Variants in SNRPN observed in about 807,000 individuals in gnomAD.
The protein encoded by SNRPN is small nuclear ribonucleoprotein polypeptide N.
In SNRPN, 7 loss-of-function variants were observed where a neutral mutation model predicts 25.2. The observed-to-expected ratio is 0.28, with a 90% CI of 0.16 to 0.52. The LOEUF is 0.52. Among genes scored for constraint, SNRPN ranks in the 20% least tolerant of loss-of-function variants. SNRPN has a pLI of 0.96. For missense variants in SNRPN, 196 were observed against 322.5 expected (o/e 0.61, Z 3.00); for synonymous variants, 124 against 110.6 (o/e 1.12, Z -0.76).
intron 2 of SNRPN, among the ~76,000 whole-genome samples, chr15:24,906,010 G>A (rs181495687): frequency 6.6e-6 from 1 of 152,128 alleles, no homozygotes; most frequent in Non-Finnish European, 1.5e-5. Context: ...TATAACAAAA[G>A]ACATATTAAT....
chr15:24,862,648 G>C (rs752602798), intron 1 of SNRPN, among the ~76,000 whole-genome samples: 1 of 151,062 alleles, frequency 6.6e-6, no homozygotes, highest in Non-Finnish European at 1.5e-5. Context: ...TGTTTAAGAC[G>C]AGTGAGGATT....
intron 3 of SNRPN, among the ~76,000 whole-genome samples, chr15:24,939,752 GT>G (rs35465024): frequency 5.7e-5 from 8 of 141,532 alleles, no homozygotes; most frequent in African/African-American, 7.9e-5. Flanking sequence ...TTAAAATCAG[GT>G]TTTTTTTTTT....
chr15:24,836,701 C>A (rs1437138639), intron 2 of SNRPN, among the ~76,000 whole-genome samples: 1 of 152,096 alleles, frequency 6.6e-6, no homozygotes, highest in African/African-American at 2.4e-5. Flanking sequence ...GCGTGATCCA[C>A]CACGCCCAGC....
chr15:24,903,823 A>C (rs2058618338), intron 2 of SNRPN, among the ~76,000 whole-genome samples: 1 of 152,142 alleles, frequency 6.6e-6, no homozygotes, highest in Non-Finnish European at 1.5e-5. Flanking sequence ...ACTTGAGTCC[A>C]GGAGTTCGAG....
intron 3 of SNRPN, among the ~76,000 whole-genome samples, chr15:24,944,944 A>G (rs2061784327): frequency 6.6e-6 from 1 of 152,136 alleles, no homozygotes; most frequent in South Asian, 2.1e-4. Flanking sequence ...AATTGAATGG[A>G]TGAGGTCCAC....
Position 24,968,078 on chromosome 15 carries a change from A to G in SNRPN, c.-148A>G. On this transcript the variant is annotated 5_prime_UTR_variant, in exon 3 of 10. Coordinates refer to ENST00000390687, the MANE Select transcript of SNRPN (RefSeq NM_003097.6). ...GCGAGGAATCTGATTCCAAGCAAAA[A>G]CCAGGTTAGAGCTAATGCAGCAATG... 6.5e-7 allele frequency: 1 copy of G among 1,546,702 alleles called. No individual in the cohort carries two copies. Among genetic ancestry groups the G allele is most frequent in the Non-Finnish European group, 8.9e-7 (1 of 1,118,870 alleles).
At chr15:24,870,086 T>G (rs1000714861) in intron 1 of SNRPN, among the ~76,000 whole-genome samples, 2 of 152,156 alleles carry the variant, frequency 1.3e-5, no homozygotes, top group Non-Finnish European at 2.9e-5. Context: ...CCACATTATT[T>G]TGGTTAGATT....
In SNRPN at chr15:24,978,649, G is replaced by A. The variant is rs888244540; in HGVS notation, c.*205G>A. On this transcript the variant is annotated 3_prime_UTR_variant, in exon 10 of 10. Transcript: ENST00000390687. ...AGATCTTAAGTTACTGTGGATGAGG[G>A]TGATGCCTATTAAGCAGTTGATTCA... 5 of 610,030 alleles carry A rather than the reference G, an allele frequency of 8.2e-6. No homozygotes were observed. Among genetic ancestry groups the A allele is most frequent in the African/African-American group, 3.7e-5 (2 of 54,008 alleles). 37.8% of individuals were successfully genotyped at this position (610,030 alleles called of 1,614,324 possible).
chr15:24,873,161 C>G (rs562203004), intron 1 of SNRPN, among the ~76,000 whole-genome samples: 1 of 108,982 alleles, frequency 9.2e-6, no homozygotes. Flanking sequence ...TTACTCCCGC[C>G]TTGCCCGCAA....
chr15:24,893,798 G>C (rs78835535), intron 2 of SNRPN, among the ~76,000 whole-genome samples: 9,012 of 151,982 alleles, frequency 0.059, 555 homozygotes, highest in Admixed American at 0.18. Flanking sequence ...ATATTCATGT[G>C]TGAGATGTGC....
intron 2 of SNRPN, among the ~76,000 whole-genome samples, chr15:24,835,205 A>T: frequency 6.8e-6 from 1 of 147,952 alleles, no homozygotes; most frequent in East Asian, 2.0e-4. Context: ...GCATCAAATA[A>T]AATTTTGTTT....
chr15:24,930,590 CA>C (rs67708507), intron 3 of SNRPN, among the ~76,000 whole-genome samples: 6,017 of 98,342 alleles, frequency 0.061, 169 homozygotes, highest in Middle Eastern at 0.13. Context: ...TACAAAAATA[CA>C]AAAAAAAAAA....
chr15:24,867,766 T>C (rs1399356146), intron 1 of SNRPN, among the ~76,000 whole-genome samples: 6 of 152,162 alleles, frequency 3.9e-5, no homozygotes, highest in African/African-American at 1.4e-4. Flanking sequence ...TTTTGAGCCA[T>C]TGAAAGTCAA....
At chr15:24,935,660 C>T (rs1477919154) in intron 3 of SNRPN, among the ~76,000 whole-genome samples, 1 of 152,178 alleles carries the variant, frequency 6.6e-6, no homozygotes, top group East Asian at 1.9e-4. Flanking sequence ...CATGTGTGAT[C>T]TATTTGGAGC....
intron 1 of SNRPN, among the ~76,000 whole-genome samples, chr15:24,881,811 T>C (rs893827668): frequency 1.3e-5 from 2 of 152,206 alleles, no homozygotes; most frequent in African/African-American, 4.8e-5. Flanking sequence ...CTCAGCTTTA[T>C]TTGGTGTATC....
At chr15:24,923,218 T>C (rs1213734602) in intron 3 of SNRPN, among the ~76,000 whole-genome samples, 1 of 152,206 alleles carries the variant, frequency 6.6e-6, no homozygotes, top group Non-Finnish European at 1.5e-5. Context: ...AGATCCCTTC[T>C]ATACCTGATG....
chr15:24,852,294 C>T (rs1352441922), upstream of SNRPN: 5 of 152,170 alleles, frequency 3.3e-5, no homozygotes, highest in Non-Finnish European at 7.3e-5. Context: ...CCTGTCTTTA[C>T]AATATTATAT....
upstream of SNRPN, among the ~76,000 whole-genome samples, chr15:24,952,848 A>T (rs2062388864): frequency 6.6e-6 from 1 of 152,204 alleles, no homozygotes; most frequent in South Asian, 2.1e-4. Flanking sequence ...GCCAAGAGAA[A>T]CCTAAAGAAA....
At chr15:24,893,629 A>T (rs1305364526) in intron 2 of SNRPN, among the ~76,000 whole-genome samples, 1 of 151,914 alleles carries the variant, frequency 6.6e-6, no homozygotes, top group East Asian at 1.9e-4. Context: ...AATATATATA[A>T]TTTTTTTCAA....
Sources: gnomAD v4.1 joint callset for allele counts (sites outside exome capture counted in the v4.1 genomes callset) on GRCh38, gnomAD v4.1.1 for gene constraint, MANE v1.5 for transcripts, NCBI Gene and HGNC (gene_info 2026-07-23, HGNC 2026-07-21) for gene names.